Variants in CFAP46 observed in about 807,000 individuals in gnomAD.
CFAP46 encodes cilia and flagella associated protein 46.
In CFAP46, 245 loss-of-function variants were observed where a neutral mutation model predicts 325.7. That is an observed-to-expected ratio of 0.75 (90% CI 0.68 to 0.84). The LOEUF (loss-of-function observed/expected upper bound fraction) is 0.84, where lower values mean the gene tolerates loss of function less well. Among genes scored for constraint, CFAP46 ranks in the 40% least tolerant of loss-of-function variants. The pLI is 0.00. For synonymous variants in CFAP46, 1,523 were observed against 1,495.9 expected (o/e 1.02, Z -0.42); for missense variants, 3,346 against 3,543.0 (o/e 0.94, Z 1.41).
intron 50 of CFAP46, among the ~76,000 whole-genome samples, chr10:132,824,210 CTG>C (rs1847976513): frequency 8.8e-6 from 1 of 113,460 alleles, no homozygotes; most frequent in African/African-American, 3.6e-5. Flanking sequence ...CTGATGTGTG[CTG>C]TGTGTGCTGT....
chr10:132,923,007 A>G (rs1849750696), intron 11 of CFAP46, among the ~76,000 whole-genome samples: 1 of 152,252 alleles, frequency 6.6e-6, no homozygotes, highest in Non-Finnish European at 1.5e-5. Context: ...CCTGGGGACA[A>G]CTTCCTGAAG....
chr10:132,828,075 C>T lies in CFAP46; in HGVS notation c.7117+5283G>A, dbSNP rs1231199992. 1.3e-5 allele frequency among the ~76,000 whole-genome samples: 2 copies of T among 152,236 alleles called. No individual in the cohort carries two copies. Among genetic ancestry groups the T allele is most frequent in the African/African-American group, 4.8e-5 (2 of 41,460 alleles). ...CCACGTGGCCGCACCCCAATGTGCT[C>T]ATCGCCCACTGGGTGTCCAGGTGTC... On this transcript the variant is annotated intron_variant, in intron 50 of 57. Transcript: ENST00000368586. The surrounding 1 kb of genome is among the most constrained non-coding windows in gnomAD (Gnocchi z 4.9).
At chr10:132,857,397 C>T (rs1281406882) in intron 39 of CFAP46, among the ~76,000 whole-genome samples, 193 bp downstream of exon 39, 4 of 152,234 alleles carry the variant, frequency 2.6e-5, no homozygotes, top group Admixed American at 6.5e-5. Flanking sequence ...TCATTGCTGA[C>T]GTCTAGTGTT....
chr10:132,851,006 G>A (rs1045207333), intron 40 of CFAP46, 111 bp downstream of exon 40: 64 of 1,324,000 alleles, frequency 4.8e-5, no homozygotes, highest in Non-Finnish European at 5.7e-5. Context: ...CAGCTGACCC[G>A]CACCGCCAGG....
At chr10:132,899,998 G>C (rs1267213164) in intron 22 of CFAP46, among the ~76,000 whole-genome samples, 1 of 152,170 alleles carries the variant, frequency 6.6e-6, no homozygotes, top group East Asian at 1.9e-4. Flanking sequence ...AGTGGGCTAT[G>C]GGGACATCCA....
At position 132,879,613 on chromosome 10, in the gene CFAP46, T is replaced by G; in HGVS notation, c.3818A>C (p.Glu1273Ala). ...PTPDGEYVAV[E>A]MPPRSPVSEA... ...GGACACGGGGCTCCGTGGGGGCATC[T>G]CCACAGCCACGTACTCCCCTGAAAC... Residue 1273 changes from glutamate (E) to alanine (A), a missense_variant, in exon 29 of 58, where the codon GAG (glutamate) becomes GCG (alanine). Transcript: ENST00000368586. 6.5e-7 allele frequency: 1 copy of G among 1,539,868 alleles called. No homozygotes were observed. The highest frequency in any genetic ancestry group is 8.8e-7 in the Non-Finnish European group (1 of 1,142,614).
chr10:132,884,132 C>T lies in CFAP46; in HGVS notation c.3627+971G>A, dbSNP rs1849086850. Among the ~76,000 whole-genome samples the T allele has an allele frequency of 6.6e-6, 1 of 152,230 alleles. No homozygotes were observed. Among genetic ancestry groups the T allele is most frequent in the South Asian group, 2.1e-4 (1 of 4,834 alleles). On this transcript the variant is annotated intron_variant, in intron 27 of 57. Coordinates refer to ENST00000368586, the MANE Select transcript of CFAP46 (RefSeq NM_001200049.3). This position sits in a 1 kb window ranked among gnomAD's most constrained non-coding sequence, Gnocchi z 5.4. ...CCAGCCGCCCGCAGCCTCCCCTCCT[C>T]AGGCCCTTCCTGCTTTCCCTGGAGG...
chr10:132,872,867 T>C, intron 31 of CFAP46, 43 bp from the exon 32 acceptor site: 1 of 1,548,492 alleles, frequency 6.5e-7, no homozygotes, highest in Non-Finnish European at 8.7e-7. Flanking sequence ...CAGGAGCGGG[T>C]GTAGACCACA....
chr10:132,908,383 C>T, intron 22 of CFAP46, 85 bp downstream of exon 22: 2 of 1,487,768 alleles, frequency 1.3e-6, no homozygotes, highest in East Asian at 4.9e-5. Context: ...GGGGCGCTCA[C>T]CTGCTCCCTG....
chr10:132,833,579 G>A (rs554588078), intron 49 of CFAP46, 54 bp from the exon 50 acceptor site: 482 of 1,564,676 alleles, frequency 3.1e-4, no homozygotes, highest in Non-Finnish European at 3.8e-4. Flanking sequence ...CCCCTCCCAC[G>A]GGGTCGCAGG....
At chr10:132,861,909 A>G (rs997868536) in intron 35 of CFAP46, among the ~76,000 whole-genome samples, 1 of 152,220 alleles carries the variant, frequency 6.6e-6, no homozygotes, top group African/African-American at 2.4e-5. Context: ...CAGGTGTCCC[A>G]GCTGCTGAGG....
At chr10:132,916,440 G>C in intron 17 of CFAP46, 109 bp downstream of exon 17, 1 of 1,231,660 alleles carries the variant, frequency 8.1e-7, no homozygotes, top group Admixed American at 3.2e-5. Flanking sequence ...CAAGAAGCCG[G>C]TGTCCTTACG....
At chr10:132,824,246 CTGA>C (rs1297551307) in intron 50 of CFAP46, among the ~76,000 whole-genome samples, 182 of 122,930 alleles carry the variant, frequency 1.5e-3, no homozygotes, top group African/African-American at 5.2e-3. Context: ...TGTGTGAGTG[CTGA>C]TGTGTGCTGT....
intron 39 of CFAP46, among the ~76,000 whole-genome samples, chr10:132,855,862 T>A (rs1235338971): frequency 1.3e-5 from 2 of 152,204 alleles, no homozygotes; most frequent in African/African-American, 4.8e-5. Context: ...GCCAATTATC[T>A]TTTAGAGTGA....
In CFAP46 at chr10:132,908,518, A is replaced by T; in HGVS notation, c.2874T>A (p.Cys958Ter). The change falls in exon 22 of 58, where the codon TGT (cysteine) becomes TGA (stop). Residue 958 changes from cysteine to a stop codon, truncating the protein, a stop_gained. Transcript: ENST00000368586. LOFTEE classifies it high-confidence loss of function. ...TGCCCATCTCCAGAGCCCTGTGAGC[A>T]CAGGCCATGGTGGTCTCATGGTCAC... ...AARDHETTMACAHRALEMGIK... is the reference protein window; with the variant it reads ...AARDHETTMA 6.5e-7 allele frequency: 1 copy of T among 1,550,340 alleles called. No homozygotes were observed. The highest frequency in any genetic ancestry group is 8.7e-7 in the Non-Finnish European group (1 of 1,146,936).
intron 17 of CFAP46, 88 bp downstream of exon 17, chr10:132,916,461 G>T: frequency 1.4e-6 from 2 of 1,386,472 alleles, no homozygotes; most frequent in Non-Finnish European, 1.9e-6. Flanking sequence ...AATGCAAAGG[G>T]TGTCCCTCCC....
intron 44 of CFAP46, among the ~76,000 whole-genome samples, chr10:132,844,682 A>G (rs1848405551): frequency 1.3e-5 from 2 of 152,036 alleles, no homozygotes; most frequent in African/African-American, 4.8e-5. Context: ...CTGCACACAC[A>G]CTGGTGTCCT....
rs185343680 is a variant in CFAP46 at position 132,925,678 on chromosome 10, C to T, written c.1066-792G>A. 1.2e-4 allele frequency among the ~76,000 whole-genome samples: 18 copies of T among 152,396 alleles called. No homozygotes were observed. The South Asian group carries it at 3.3e-3, about 28-fold the overall frequency. ...CGCACAGCAGCAGTCAAAAACCTCCCGCGAGAAGCTCAGCCCCACGGAGGC... is the reference window on the plus strand; with the variant it reads ...CGCACAGCAGCAGTCAAAAACCTCCTGCGAGAAGCTCAGCCCCACGGAGGC... On this transcript the variant is annotated intron_variant, in intron 10 of 57. Coordinates refer to ENST00000368586, the MANE Select transcript of CFAP46 (RefSeq NM_001200049.3).
rs1376753241 is a variant in CFAP46, at chr10:132,918,508, C to T, written c.1871G>A (p.Arg624Gln). ...KLRLRRGKKK[R>Q]GRDGSVQDTW... ...GTCCTGCACCGAGCCGTCCCTACCT[C>T]GCTTCTTCTTCCCTGAGAGAAATGG... The change falls in exon 16 of 58, where the codon CGA (arginine) becomes CAA (glutamine). Residue 624 changes from arginine to glutamine, a missense_variant. By Grantham distance (43) the Arg-to-Gln change is conservative. Coordinates refer to ENST00000368586, the MANE Select transcript of CFAP46 (RefSeq NM_001200049.3). 5.9e-6 allele frequency: 9 copies of T among 1,517,996 alleles called. No individual in the cohort carries two copies. Among genetic ancestry groups the T allele is most frequent in the Non-Finnish European group, 7.1e-6 (8 of 1,124,506 alleles). The allele number at this position is 1,517,996 out of a possible 1,614,324, so 94.0% of individuals were successfully genotyped here. A position where few individuals can be genotyped will look rare whatever the true frequency, so the allele number is the denominator to read the frequency against.
Sources: gnomAD v4.1 joint callset for allele counts (sites outside exome capture counted in the v4.1 genomes callset) on GRCh38, gnomAD v4.1.1 for gene constraint, Gnocchi (gnomAD v3.1) non-coding constraint, MANE v1.5 for transcripts, NCBI Gene and HGNC (gene_info 2026-07-23, HGNC 2026-07-21) for gene names.